The following PDZRN4 variants were observed in gnomAD, a reference collection of about 807,000 sequenced individuals.
PDZRN4 encodes PDZ domain-containing RING finger protein 4.
Under a neutral mutation model 99.0 loss-of-function variants are expected in PDZRN4, and 70 were observed. The observed-to-expected ratio is 0.71, with a 90% CI of 0.58 to 0.86. PDZRN4 has a LOEUF of 0.86. PDZRN4 is among the 40% of genes least tolerant of loss of function. The pLI, the probability that PDZRN4 is intolerant of heterozygous loss-of-function variation, is 0.00. For missense variants in PDZRN4, 1,474 were observed against 1,331.2 expected (o/e 1.11, Z -1.67); for synonymous variants, 551 against 501.6 (o/e 1.10, Z -1.32).
chr12:41,545,523 G>C (rs1040709020), intron 5 of PDZRN4, among the ~76,000 whole-genome samples: 5 of 141,642 alleles, frequency 3.5e-5, no homozygotes, highest in Non-Finnish European at 6.3e-5. Flanking sequence ...GTGTGTGTGT[G>C]TGTGTGTGTG....
chr12:41,427,127 TC>T (rs1308816185), intron 3 of PDZRN4, among the ~76,000 whole-genome samples: 1 of 152,214 alleles, frequency 6.6e-6, no homozygotes, highest in Non-Finnish European at 1.5e-5. Flanking sequence ...TTTCTGCTTC[TC>T]CCTGGCTGCC....
At chr12:41,401,862 G>C (rs1952291143) in intron 3 of PDZRN4, among the ~76,000 whole-genome samples, 1 of 151,668 alleles carries the variant, frequency 6.6e-6, no homozygotes, top group African/African-American at 2.4e-5. Flanking sequence ...AGCCAAAAAT[G>C]ATTCCCCCTC....
intron 3 of PDZRN4, among the ~76,000 whole-genome samples, chr12:41,207,701 G>T (rs1250271530): frequency 6.6e-6 from 1 of 151,708 alleles, no homozygotes; most frequent in Admixed American, 6.6e-5. Flanking sequence ...CCAGGCAAAT[G>T]GCTATGTGTA....
chr12:41,332,518 A>G (rs1018195687), intron 3 of PDZRN4, among the ~76,000 whole-genome samples: 1 of 151,960 alleles, frequency 6.6e-6, no homozygotes, highest in African/African-American at 2.4e-5. Context: ...GAGAAAGGAT[A>G]TGGGAGATAT....
intron 5 of PDZRN4, among the ~76,000 whole-genome samples, chr12:41,549,847 A>C (rs954255026): frequency 6.6e-6 from 1 of 152,174 alleles, no homozygotes; most frequent in African/African-American, 2.4e-5. Flanking sequence ...TATAATACTC[A>C]TACCTCAAGG....
intron 5 of PDZRN4, among the ~76,000 whole-genome samples, chr12:41,520,754 G>C (rs1364936457): frequency 6.6e-6 from 1 of 151,796 alleles, no homozygotes; most frequent in Non-Finnish European, 1.5e-5. Context: ...CAAACCCAGA[G>C]AAAGATGTCA....
chr12:41,338,178 T>A, intron 3 of PDZRN4, among the ~76,000 whole-genome samples: 1 of 152,196 alleles, frequency 6.6e-6, no homozygotes, highest in African/African-American at 2.4e-5. Context: ...GACTATAGTA[T>A]ATAATTTTGT....
intron 3 of PDZRN4, among the ~76,000 whole-genome samples, chr12:41,492,656 C>T (rs1019060982): frequency 6.6e-6 from 1 of 151,710 alleles, no homozygotes; most frequent in Non-Finnish European, 1.5e-5. Flanking sequence ...ATGGAGCTAC[C>T]CAAAGTTCTT....
chr12:41,235,872 A>G (rs1951063548), intron 3 of PDZRN4, among the ~76,000 whole-genome samples: 1 of 152,180 alleles, frequency 6.6e-6, no homozygotes, highest in African/African-American at 2.4e-5. Flanking sequence ...CATCAGCATT[A>G]CGTAATTTCA....
At position 41,325,399 on chromosome 12, in the gene PDZRN4, C is replaced by T. The variant is rs563623619; in HGVS notation, c.843+131211C>T. On this transcript the variant is annotated intron_variant, in intron 3 of 9. Coordinates refer to ENST00000402685, the MANE Select transcript of PDZRN4 (RefSeq NM_001164595.2). ...TATGCATTTGTGATTACAGTATCTTCGTGCTTATTGTCCTCTTTAACTGGA... is the reference window on the plus strand; with the variant it reads ...TATGCATTTGTGATTACAGTATCTTTGTGCTTATTGTCCTCTTTAACTGGA... 7.9e-5 allele frequency among the ~76,000 whole-genome samples: 12 copies of T among 152,238 alleles called. No individual in the cohort carries two copies. In the East Asian group the frequency reaches 1.2e-3, roughly 15 times the overall value.
At chr12:41,215,418 T>C (rs1312280503) in intron 3 of PDZRN4, among the ~76,000 whole-genome samples, 1 of 152,098 alleles carries the variant, frequency 6.6e-6, no homozygotes, top group Non-Finnish European at 1.5e-5. Flanking sequence ...TACTCAGATC[T>C]ATACATTGTT....
chr12:41,347,904 T>C (rs1951866224), intron 3 of PDZRN4, among the ~76,000 whole-genome samples: 2 of 152,118 alleles, frequency 1.3e-5, no homozygotes, highest in Admixed American at 1.3e-4. Context: ...TAAGTAACTA[T>C]TATATAGTTA....
intron 3 of PDZRN4, among the ~76,000 whole-genome samples, chr12:41,227,887 AC>A (rs1951004756): frequency 7.2e-6 from 1 of 139,620 alleles, no homozygotes; most frequent in Admixed American, 7.2e-5. Context: ...ACACACACAC[AC>A]ACACACACAC....
At chr12:41,269,025 G>C (rs1159202087) in intron 3 of PDZRN4, among the ~76,000 whole-genome samples, 1 of 152,132 alleles carries the variant, frequency 6.6e-6, no homozygotes, top group Non-Finnish European at 1.5e-5. Flanking sequence ...CTCCTGCCTT[G>C]AGCTTGGAGA....
At chr12:41,269,317 T>C (rs1433852788) in intron 3 of PDZRN4, among the ~76,000 whole-genome samples, 1 of 152,166 alleles carries the variant, frequency 6.6e-6, no homozygotes, top group Non-Finnish European at 1.5e-5. Context: ...AAATTCTCCC[T>C]AGAGAAAGCT....
intron 5 of PDZRN4, among the ~76,000 whole-genome samples, chr12:41,532,747 C>T (rs1210961661): frequency 6.6e-6 from 1 of 152,110 alleles, no homozygotes; most frequent in Non-Finnish European, 1.5e-5. Flanking sequence ...TGTGCCTCAG[C>T]GTTCTCATAT....
In PDZRN4 at chr12:41,259,746, C is replaced by T. The variant is rs535116971; in HGVS notation, c.843+65558C>T. ...ATTACTTTGCATCATGTAATTAGTT[C>T]ACAAATGAGTTTAGTCTAGAGGGCT... On this transcript the variant is annotated intron_variant, in intron 3 of 9. Coordinates refer to ENST00000402685, the MANE Select transcript of PDZRN4 (RefSeq NM_001164595.2). Among the ~76,000 whole-genome samples the T allele has an allele frequency of 1.0e-3, 158 of 152,182 alleles. 1 individual carries two copies. Among genetic ancestry groups the T allele is most frequent in the African/African-American group, 3.7e-3 (154 of 41,540 alleles).
chr12:41,405,861 A>G (rs1952344290), intron 3 of PDZRN4, among the ~76,000 whole-genome samples: 1 of 151,688 alleles, frequency 6.6e-6, no homozygotes, highest in South Asian at 2.1e-4. Flanking sequence ...AAAACCAAAT[A>G]CCACATGTTC....
intron 3 of PDZRN4, among the ~76,000 whole-genome samples, chr12:41,293,612 T>C (rs1224996820): frequency 6.6e-6 from 1 of 152,094 alleles, no homozygotes; most frequent in Non-Finnish European, 1.5e-5. Context: ...TGCATATCCC[T>C]GGTATGTTGT....
Sources: gnomAD v4.1 joint callset for allele counts (sites outside exome capture counted in the v4.1 genomes callset) on GRCh38, gnomAD v4.1.1 for gene constraint, MANE v1.5 for transcripts, NCBI Gene and HGNC (gene_info 2026-07-23, HGNC 2026-07-21) for gene names.